Variants in MYO6 observed in about 807,000 individuals in gnomAD.
The protein encoded by MYO6 is myosin VI.
MYO6 carries 74 observed loss-of-function variants against 178.7 expected under a neutral mutation model. The ratio of observed to expected loss-of-function variants is 0.41; its 90% confidence interval spans 0.34 to 0.50. The LOEUF (loss-of-function observed/expected upper bound fraction) is 0.50, where lower values mean the gene tolerates loss of function less well. MYO6 is among the 20% of genes least tolerant of loss of function. The pLI is 0.09. For missense variants in MYO6, 1,330 were observed against 1,547.4 expected (o/e 0.86, Z 2.36); for synonymous variants, 477 against 504.6 (o/e 0.95, Z 0.73).
At chr6:75,786,050 G>A (rs554475706) in intron 1 of MYO6, among the ~76,000 whole-genome samples, 150 of 151,968 alleles carry the variant, frequency 9.9e-4, no homozygotes, top group African/African-American at 3.5e-3. Context: ...TGAGTAGCTG[G>A]GATTACAGGC....
chr6:75,815,628 A>G (rs1397878516), intron 1 of MYO6, among the ~76,000 whole-genome samples: 1 of 152,236 alleles, frequency 6.6e-6, no homozygotes, highest in Non-Finnish European at 1.5e-5. Context: ...CATAAACCTG[A>G]TAGCGTTTGC....
At chr6:75,911,389 A>G (rs1003818390) in intron 32 of MYO6, among the ~76,000 whole-genome samples, 2 of 151,844 alleles carry the variant, frequency 1.3e-5, no homozygotes, top group Admixed American at 6.6e-5. Flanking sequence ...TTTTGTTTGG[A>G]TATGTGTTCC....
chr6:75,824,126 G>T (rs186855670), intron 3 of MYO6, among the ~76,000 whole-genome samples: 1 of 152,170 alleles, frequency 6.6e-6, no homozygotes, highest in East Asian at 1.9e-4. Flanking sequence ...ATTTATTAAT[G>T]TGTATGTCTC....
At chr6:75,753,713 C>T (rs868649752) in intron 1 of MYO6, among the ~76,000 whole-genome samples, 3 of 151,966 alleles carry the variant, frequency 2.0e-5, no homozygotes, top group East Asian at 1.9e-4. Flanking sequence ...TGTGCTGCCT[C>T]GGGCTCCCAA....
intron 1 of MYO6, among the ~76,000 whole-genome samples, chr6:75,809,208 C>T (rs187396579): frequency 6.6e-6 from 1 of 152,324 alleles, no homozygotes; most frequent in Admixed American, 6.5e-5. Context: ...GCCTGCCTGA[C>T]ATAGTCCCCA....
intron 2 of MYO6, among the ~76,000 whole-genome samples, chr6:75,822,381 A>G (rs1318205797): frequency 1.3e-5 from 2 of 152,212 alleles, no homozygotes; most frequent in African/African-American, 2.4e-5. Flanking sequence ...TATAGGCATG[A>G]GCCACTGTGC....
At position 75,918,517 on chromosome 6, in the gene MYO6, G is replaced by A. The variant is rs1273398416; in HGVS notation, c.*3505G>A. 6.6e-6 allele frequency: 1 copy of A among 152,168 alleles called. No homozygotes were observed. The highest frequency in any genetic ancestry group is 1.9e-4 in the East Asian group (1 of 5,194). 9.4% of individuals were successfully genotyped at this position (152,168 alleles called of 1,614,324 possible). A position where few individuals can be genotyped will look rare whatever the true frequency, so the allele number is the denominator to read the frequency against. On this transcript the variant is annotated 3_prime_UTR_variant, in exon 35 of 35. Coordinates refer to ENST00000369977, the MANE Select transcript of MYO6 (RefSeq NM_004999.4). ...GTTATTAAAACTTGGATCAAGATAT[G>A]CCCGGTGTATACATTCTTAGCACAT... is the stretch of plus-strand genomic sequence containing the variant.
rs760248071 is a variant in MYO6, at chr6:75,862,589, G to A, written c.1547-7G>A. 6.2e-7 allele frequency: 1 copy of A among 1,610,668 alleles called. No individual in the cohort carries two copies. Among genetic ancestry groups the A allele is most frequent in the South Asian group, 1.1e-5 (1 of 90,982 alleles). On this transcript the variant is annotated splice_polypyrimidine_tract_variant and splice_region_variant and intron_variant, in intron 15 of 34. Coordinates refer to ENST00000369977, the MANE Select transcript of MYO6 (RefSeq NM_004999.4). ...ACTATTGTGAGTGTTTTCATTTTTTGAAATAGATTTAATTGAAGCCAAATT... is the reference window on the plus strand; with the variant it reads ...ACTATTGTGAGTGTTTTCATTTTTTAAAATAGATTTAATTGAAGCCAAATT...
At chr6:75,768,326 CATTTTATTTTATTTT>C (rs57473480) in intron 1 of MYO6, among the ~76,000 whole-genome samples, 17,565 of 119,302 alleles carry the variant, frequency 0.15, 1,770 homozygotes, top group African/African-American at 0.28. Context: ...GTAAATAATT[CATTTTATTTTATTTT>C]ATTTTATTTT....
intron 2 of MYO6, among the ~76,000 whole-genome samples, chr6:75,818,131 TG>T (rs368378127): frequency 2.0e-5 from 3 of 152,336 alleles, no homozygotes; most frequent in East Asian, 3.9e-4. Context: ...TAAAGTTTTT[TG>T]TTCACTTAAA....
At chr6:75,887,545 G>A (rs1158614930) in intron 25 of MYO6, among the ~76,000 whole-genome samples, 1 of 150,180 alleles carries the variant, frequency 6.7e-6, no homozygotes, top group Non-Finnish European at 1.5e-5. Flanking sequence ...GGAGGCTGAG[G>A]CAGGAGAATC....
At chr6:75,874,537 C>T (rs182675852) in intron 20 of MYO6, among the ~76,000 whole-genome samples, 1 of 152,200 alleles carries the variant, frequency 6.6e-6, no homozygotes, top group Non-Finnish European at 1.5e-5. Flanking sequence ...CTTCTGCCTA[C>T]CACTTAACCT....
At position 75,866,707 on chromosome 6, in the gene MYO6, A is replaced by C. The variant is rs1409968420; in HGVS notation, c.1770+86A>C. On this transcript the variant is annotated intron_variant, in intron 17 of 34. Coordinates refer to ENST00000369977, the MANE Select transcript of MYO6 (RefSeq NM_004999.4). Reference sequence around the variant, plus strand: ...ATAGCTTCTAGTCACGTGGTTATTAATTATTTCACGTGGTTATTTAAATTA... The same window carrying C: ...ATAGCTTCTAGTCACGTGGTTATTACTTATTTCACGTGGTTATTTAAATTA... 4 of 1,248,198 alleles carry C rather than the reference A, an allele frequency of 3.2e-6. No individual in the cohort carries two copies. In the Admixed American group the frequency reaches 6.9e-5, roughly 22 times the overall value. The allele number at this position is 1,248,198 out of a possible 1,614,324, so 77.3% of individuals were successfully genotyped here.
intron 4 of MYO6, among the ~76,000 whole-genome samples, chr6:75,830,126 A>T (rs1041693182): frequency 6.6e-6 from 1 of 152,186 alleles, no homozygotes; most frequent in African/African-American, 2.4e-5. Flanking sequence ...ACATGGAAGG[A>T]TAATATTTTC....
intron 3 of MYO6, among the ~76,000 whole-genome samples, chr6:75,825,485 T>C (rs12662659): frequency 0.37 from 56,914 of 151,856 alleles, 11,343 homozygotes; most frequent in East Asian, 0.54. Context: ...CCCAACTACT[T>C]GGGAGGCCGA....
At chr6:75,894,703 A>G (rs1168466176) in intron 28 of MYO6, 14 of 638,206 alleles carry the variant, frequency 2.2e-5, no homozygotes, top group Admixed American at 3.8e-5. Context: ...AGAACTAAGT[A>G]AACTGTTCTT....
Position 75,866,751 on chromosome 6 carries a change from A to G in MYO6, c.1770+130A>G, listed in dbSNP as rs754577115. The G allele has an allele frequency of 5.1e-5, 56 of 1,090,934 alleles. No individual in the cohort carries two copies. In the Admixed American group the frequency reaches 7.0e-4, roughly 14 times the overall value. 67.6% of individuals were successfully genotyped at this position (1,090,934 alleles called of 1,614,324 possible). A position where few individuals can be genotyped will look rare whatever the true frequency, so the allele number is the denominator to read the frequency against. On this transcript the variant is annotated intron_variant, in intron 17 of 34. Coordinates refer to ENST00000369977, the MANE Select transcript of MYO6 (RefSeq NM_004999.4). ...TAAATTAAGTAAAATTACAAGTTCA[A>G]TTCCTCAGTACACTAGCCACACTTC...
chr6:75,754,822 G>A (rs1282294061), intron 1 of MYO6, among the ~76,000 whole-genome samples: 1 of 152,144 alleles, frequency 6.6e-6, no homozygotes, highest in Non-Finnish European at 1.5e-5. Flanking sequence ...TATTTGGATG[G>A]CATTTTATTG....
chr6:75,840,159 AT>A (rs71002767), intron 7 of MYO6, among the ~76,000 whole-genome samples: 377 of 131,862 alleles, frequency 2.9e-3, no homozygotes, highest in Middle Eastern at 0.016. Flanking sequence ...CTTCATGTTA[AT>A]TTTTTTTTTT....
Sources: gnomAD v4.1 joint callset for allele counts (sites outside exome capture counted in the v4.1 genomes callset) on GRCh38, gnomAD v4.1.1 for gene constraint, MANE v1.5 for transcripts, NCBI Gene and HGNC (gene_info 2026-07-23, HGNC 2026-07-21) for gene names.